The following SLC25A28 variants were observed in gnomAD, a reference collection of about 807,000 sequenced individuals.
The protein encoded by SLC25A28 is solute carrier family 25 member 28, also known as mitoferrin-2.
In SLC25A28, 10 loss-of-function variants were observed where a neutral mutation model predicts 31.9. The observed-to-expected ratio is 0.31, with a 90% CI of 0.19 to 0.53. The LOEUF is 0.53. Ranked by LOEUF, SLC25A28 falls within the 20% of genes least tolerant of loss-of-function variation. The probability of loss-of-function intolerance (pLI) is 0.95; values close to 1 mark genes in which losing one functional copy is unlikely to be tolerated. For synonymous variants in SLC25A28, 208 were observed against 203.6 expected (o/e 1.02, Z -0.19); for missense variants, 256 against 490.3 (o/e 0.52, Z 4.51).
chr10:99,638,348 C>T, the SLC25A28 span, among the ~76,000 whole-genome samples: 1 of 152,132 alleles, frequency 6.6e-6, no homozygotes, highest in Admixed American at 6.5e-5. Context: ...TAGAAGATAA[C>T]ATTGGACAAA....
At chr10:99,652,609 C>T in the SLC25A28 span, among the ~76,000 whole-genome samples, 1 of 152,080 alleles carries the variant, frequency 6.6e-6, no homozygotes. Flanking sequence ...ACATGCTACA[C>T]ATGAGGAGGG....
At chr10:99,612,082 G>A (rs2034536788) in intron 3 of SLC25A28, among the ~76,000 whole-genome samples, 1 of 152,186 alleles carries the variant, frequency 6.6e-6, no homozygotes, top group Non-Finnish European at 1.5e-5. Flanking sequence ...CAAGATCCCA[G>A]CAGAAATGCA....
At chr10:99,634,674 G>T in the SLC25A28 span, among the ~76,000 whole-genome samples, 5 of 152,204 alleles carry the variant, frequency 3.3e-5, no homozygotes, top group African/African-American at 1.2e-4. Flanking sequence ...AGAACAATCA[G>T]TGTTGCTGAG....
the SLC25A28 span, among the ~76,000 whole-genome samples, chr10:99,658,323 TC>T: frequency 6.6e-6 from 1 of 151,976 alleles, no homozygotes; most frequent in Non-Finnish European, 1.5e-5. Flanking sequence ...TCCTCCCCGA[TC>T]CCCCCCATTC....
the SLC25A28 span, among the ~76,000 whole-genome samples, chr10:99,639,440 A>G: frequency 1.4e-4 from 22 of 152,202 alleles, 1 homozygote; most frequent in South Asian, 4.6e-3. Flanking sequence ...ACAAAAGAAC[A>G]TATGTAACCA....
intron 1 of SLC25A28, chr10:99,618,358 T>C: frequency 2.0e-6 from 2 of 985,388 alleles, no homozygotes; most frequent in Non-Finnish European, 2.4e-6. Flanking sequence ...TACATAATTT[T>C]CACTGTTTTC....
intron 1 of SLC25A28, chr10:99,618,238 T>C (rs1324367602): frequency 2.1e-6 from 2 of 961,224 alleles, no homozygotes; most frequent in African/African-American, 1.8e-5. Context: ...TATGTAAATA[T>C]ATGGAGTAAG....
At chr10:99,639,242 A>G in the SLC25A28 span, among the ~76,000 whole-genome samples, 1 of 151,932 alleles carries the variant, frequency 6.6e-6, no homozygotes, top group Non-Finnish European at 1.5e-5. Flanking sequence ...GGAATGGAAA[A>G]CCAAACATTG....
chr10:99,647,254 G>T, the SLC25A28 span, among the ~76,000 whole-genome samples: 1 of 152,176 alleles, frequency 6.6e-6, no homozygotes, highest in Non-Finnish European at 1.5e-5. Flanking sequence ...TTTCCATAAA[G>T]GTTGTACTAA....
the SLC25A28 span, among the ~76,000 whole-genome samples, chr10:99,631,878 A>ATTTTTTT: frequency 6.3e-3 from 584 of 92,856 alleles, 110 homozygotes; most frequent in East Asian, 8.4e-3. Flanking sequence ...TCAGTATGTT[A>ATTTTTTT]TTTTTTTTTT....
intron 1 of SLC25A28, chr10:99,618,915 A>G: frequency 1.0e-6 from 1 of 985,456 alleles, no homozygotes; most frequent in Non-Finnish European, 1.2e-6. Flanking sequence ...TTTGAAGAGA[A>G]AACATACATC....
At chr10:99,633,672 A>G in the SLC25A28 span, among the ~76,000 whole-genome samples, 1 of 2,180 alleles carries the variant, frequency 4.6e-4, no homozygotes, top group Non-Finnish European at 9.7e-4. Flanking sequence ...CTGTCTTAAG[A>G]AAAAAAAAAA....
upstream of SLC25A28, chr10:99,620,697 G>C (rs2034771329): frequency 1.0e-6 from 1 of 986,064 alleles, no homozygotes; most frequent in Admixed American, 6.1e-5. Flanking sequence ...CTTTTAGAAG[G>C]GCGGGAGAAA....
At chr10:99,648,354 T>C in the SLC25A28 span, among the ~76,000 whole-genome samples, 1 of 152,216 alleles carries the variant, frequency 6.6e-6, no homozygotes, top group Admixed American at 6.5e-5. Context: ...TTGGTGACTA[T>C]AGCCTTGTAG....
Position 99,620,404 on chromosome 10 carries a change from C to T in SLC25A28, c.-69G>A. On this transcript the variant is annotated 5_prime_UTR_variant, in exon 1 of 4. Transcript: ENST00000370495. ...CCACTGCCGCCGCCGCCCCCCGGCC[C>T]CGTAGTGTCCGCCTCAGGCGCGGCC... 1 of 1,062,454 alleles carries T rather than the reference C, an allele frequency of 9.4e-7. No individual in the cohort carries two copies. The highest frequency in any genetic ancestry group is 1.1e-6 in the Non-Finnish European group (1 of 880,522). 65.8% of individuals were successfully genotyped at this position (1,062,454 alleles called of 1,614,324 possible). A position where few individuals can be genotyped will look rare whatever the true frequency, so the allele number is the denominator to read the frequency against.
At chr10:99,628,161 CTT>C in the SLC25A28 span, among the ~76,000 whole-genome samples, 1 of 152,186 alleles carries the variant, frequency 6.6e-6, no homozygotes, top group African/African-American at 2.4e-5. Context: ...GCCTATCTCT[CTT>C]GGGACTATGA....
intron 1 of SLC25A28, chr10:99,616,002 C>T (rs188933321): frequency 3.5e-5 from 34 of 985,300 alleles, no homozygotes; most frequent in Non-Finnish European, 3.6e-5. Context: ...AATTCTAACT[C>T]GATAAAAGTA....
chr10:99,658,684 G>C, the SLC25A28 span, among the ~76,000 whole-genome samples: 2 of 152,154 alleles, frequency 1.3e-5, no homozygotes, highest in African/African-American at 4.8e-5. Flanking sequence ...TGGTAAGGAA[G>C]GCAAGTAGCG....
At chr10:99,643,142 T>G in the SLC25A28 span, among the ~76,000 whole-genome samples, 1 of 152,208 alleles carries the variant, frequency 6.6e-6, no homozygotes, top group South Asian at 2.1e-4. Flanking sequence ...GAAGGAATGG[T>G]ACCAGCTCCT....
Sources: gnomAD v4.1 joint callset for allele counts (sites outside exome capture counted in the v4.1 genomes callset) on GRCh38, gnomAD v4.1.1 for gene constraint, MANE v1.5 for transcripts, NCBI Gene and HGNC (gene_info 2026-07-23, HGNC 2026-07-21) for gene names.